The following VWC2L variants were observed in gnomAD, a reference collection of about 807,000 sequenced individuals.
The protein encoded by VWC2L is von Willebrand factor C domain-containing protein 2-like.
In VWC2L, 10 loss-of-function variants were observed where a neutral mutation model predicts 21.6. That is an observed-to-expected ratio of 0.46 (90% CI 0.29 to 0.78). VWC2L has a LOEUF of 0.78. Among genes scored for constraint, VWC2L ranks in the 30% least tolerant of loss-of-function variants. The pLI is 0.10. For synonymous variants in VWC2L, 96 were observed against 94.3 expected (o/e 1.02, Z -0.10); for missense variants, 209 against 277.1 (o/e 0.75, Z 1.74).
intron 3 of VWC2L, among the ~76,000 whole-genome samples, chr2:214,441,831 T>C (rs1702766263): frequency 1.3e-5 from 2 of 151,832 alleles, no homozygotes; most frequent in African/African-American, 4.8e-5. Context: ...ATACTACATA[T>C]CTAATGTGTA....
chr2:214,514,104 A>G (rs1489435342), intron 3 of VWC2L, among the ~76,000 whole-genome samples: 1 of 152,118 alleles, frequency 6.6e-6, no homozygotes, highest in African/African-American at 2.4e-5. Flanking sequence ...TTACAGCACT[A>G]AATGTAATGC....
chr2:214,464,181 A>C (rs1008498827), intron 3 of VWC2L, among the ~76,000 whole-genome samples: 1 of 151,990 alleles, frequency 6.6e-6, no homozygotes, highest in Non-Finnish European at 1.5e-5. Context: ...TGTTGAGGTC[A>C]TGTTATCCTG....
At chr2:214,471,296 AGAAAAT>A (rs1228455372) in intron 3 of VWC2L, among the ~76,000 whole-genome samples, 4 of 152,234 alleles carry the variant, frequency 2.6e-5, no homozygotes, top group Non-Finnish European at 5.9e-5. Context: ...TAATTTAAAT[AGAAAAT>A]GAAGGCAATT....
chr2:214,471,577 G>T (rs1022538144), intron 3 of VWC2L, among the ~76,000 whole-genome samples: 7 of 152,150 alleles, frequency 4.6e-5, no homozygotes, highest in African/African-American at 1.7e-4. Context: ...GGGTCACATG[G>T]CTGGAAGGTT....
chr2:214,416,753 G>T (rs1249889582), intron 2 of VWC2L, among the ~76,000 whole-genome samples: 1 of 151,954 alleles, frequency 6.6e-6, no homozygotes, highest in Non-Finnish European at 1.5e-5. Context: ...GATCCATAGT[G>T]GTATTGACCA....
At chr2:214,464,991 G>T (rs943773861) in intron 3 of VWC2L, among the ~76,000 whole-genome samples, 1 of 152,028 alleles carries the variant, frequency 6.6e-6, no homozygotes, top group African/African-American at 2.4e-5. Flanking sequence ...TTTAGTCAGC[G>T]TGTGGTGGAT....
At chr2:214,484,001 T>A (rs1466919065) in intron 3 of VWC2L, among the ~76,000 whole-genome samples, 1 of 152,208 alleles carries the variant, frequency 6.6e-6, no homozygotes, top group Admixed American at 6.5e-5. Flanking sequence ...GCTTCCTTGC[T>A]GCTTCTAGTT....
intron 3 of VWC2L, among the ~76,000 whole-genome samples, chr2:214,493,772 T>G (rs1161626380): frequency 1.3e-5 from 2 of 151,874 alleles, no homozygotes; most frequent in African/African-American, 4.8e-5. Flanking sequence ...GTGTGGAGAG[T>G]CACCCAGACC....
At chr2:214,482,251 G>A (rs1279119246) in intron 3 of VWC2L, among the ~76,000 whole-genome samples, 4 of 152,090 alleles carry the variant, frequency 2.6e-5, no homozygotes, top group Non-Finnish European at 5.9e-5. Flanking sequence ...AATAGCATCT[G>A]ATAGTATGCA....
At position 214,524,186 on chromosome 2, in the gene VWC2L, C is replaced by T. The variant is rs941677341; in HGVS notation, c.521-51486C>T. 3.9e-5 allele frequency among the ~76,000 whole-genome samples: 6 copies of T among 152,138 alleles called. 1 individual carries two copies. The highest frequency in any genetic ancestry group is 2.0e-4 in the Admixed American group (3 of 15,276). Reference sequence around the variant, plus strand: ...TGCTACCTAACAGCAATAAAACTCACGTGACAAACTTTTACCCCTCTTCAT... The same window carrying T: ...TGCTACCTAACAGCAATAAAACTCATGTGACAAACTTTTACCCCTCTTCAT... On this transcript the variant is annotated intron_variant, in intron 3 of 3. Transcript: ENST00000312504.
chr2:214,431,558 G>A (rs903406257), intron 2 of VWC2L, among the ~76,000 whole-genome samples: 35 of 152,206 alleles, frequency 2.3e-4, no homozygotes, highest in Middle Eastern at 3.4e-3. Flanking sequence ...TTGCGTATCC[G>A]TCCCTTCAGC....
Position 214,575,896 on chromosome 2 carries a change from CA to C in VWC2L, c.*80del. 1.4e-6 allele frequency: 2 copies of C among 1,475,856 alleles called. No individual in the cohort carries two copies. Among genetic ancestry groups the C allele is most frequent in the Non-Finnish European group, 1.8e-6 (2 of 1,096,042 alleles). The allele number at this position is 1,475,856 out of a possible 1,614,324, so 91.4% of individuals were successfully genotyped here. A position where few individuals can be genotyped will look rare whatever the true frequency, so the allele number is the denominator to read the frequency against. ...AACACTGCACATGTTTAACACAAAA[CA>C]AAACAAACAAACTCCTGCCAGCTAC... On this transcript the variant is annotated 3_prime_UTR_variant, in exon 4 of 4. Coordinates refer to ENST00000312504, the MANE Select transcript of VWC2L (RefSeq NM_001080500.4).
chr2:214,435,370 G>A (rs1702663257), intron 2 of VWC2L, among the ~76,000 whole-genome samples: 1 of 152,102 alleles, frequency 6.6e-6, no homozygotes, highest in African/African-American at 2.4e-5. Flanking sequence ...CTTTACCACA[G>A]ATCCCATGGC....
chr2:214,445,955 C>T (rs566384157), intron 3 of VWC2L, among the ~76,000 whole-genome samples: 1 of 152,248 alleles, frequency 6.6e-6, no homozygotes, highest in Non-Finnish European at 1.5e-5. Flanking sequence ...CTTTTCAAAG[C>T]ATTTAGAAAG....
chr2:214,460,553 G>T (rs1416016147), intron 3 of VWC2L, among the ~76,000 whole-genome samples: 1 of 151,902 alleles, frequency 6.6e-6, no homozygotes, highest in Non-Finnish European at 1.5e-5. Flanking sequence ...GCTTGATCTA[G>T]CCTATAGTTG....
At chr2:214,522,651 A>C (rs1689263529) in intron 3 of VWC2L, among the ~76,000 whole-genome samples, 1 of 152,146 alleles carries the variant, frequency 6.6e-6, no homozygotes, top group African/African-American at 2.4e-5. Flanking sequence ...ATATTAACAA[A>C]TCTGAAAAGG....
chr2:214,435,803 C>G (rs913550448), intron 2 of VWC2L, among the ~76,000 whole-genome samples: 1 of 152,154 alleles, frequency 6.6e-6, no homozygotes, highest in South Asian at 2.1e-4. Flanking sequence ...ATGAGAAAGT[C>G]AGAGGGTGGC....
At chr2:214,507,030 G>T (rs956709227) in intron 3 of VWC2L, among the ~76,000 whole-genome samples, 3 of 151,818 alleles carry the variant, frequency 2.0e-5, no homozygotes, top group Non-Finnish European at 4.4e-5. Context: ...ACAAAATATA[G>T]AATTGATTTT....
chr2:214,438,440 G>A (rs182036687), intron 3 of VWC2L, among the ~76,000 whole-genome samples: 63 of 151,536 alleles, frequency 4.2e-4, no homozygotes, highest in African/African-American at 1.4e-3. Flanking sequence ...ACAAGTCCTT[G>A]AGGCTCTTGC....
Sources: gnomAD v4.1 joint callset for allele counts (sites outside exome capture counted in the v4.1 genomes callset) on GRCh38, gnomAD v4.1.1 for gene constraint, MANE v1.5 for transcripts, NCBI Gene and HGNC (gene_info 2026-07-23, HGNC 2026-07-21) for gene names.